TAX1BP1: variants seen among roughly 807,000 people sequenced by gnomAD.
The protein encoded by TAX1BP1 is tax1-binding protein 1.
Under a neutral mutation model 97.7 loss-of-function variants are expected in TAX1BP1, and 62 were observed. That is an observed-to-expected ratio of 0.63 (90% CI 0.52 to 0.78). TAX1BP1 has a LOEUF of 0.78. Ranked by LOEUF, TAX1BP1 falls within the 30% of genes least tolerant of loss-of-function variation. The pLI is 0.00. For synonymous variants in TAX1BP1, 340 were observed against 304.2 expected, an observed-to-expected ratio of 1.12 and a Z score of -1.23; for missense variants, 867 against 916.1, an observed-to-expected ratio of 0.95 and a Z score of 0.69.
chr7:27,750,406 A>C (rs528914784), intron 2 of TAX1BP1, among the ~76,000 whole-genome samples: 3 of 152,208 alleles, frequency 2.0e-5, no homozygotes, highest in Admixed American at 2.0e-4. Flanking sequence ...CCAAAATCTG[A>C]CAGATTTAGA....
chr7:27,758,274 C>T (rs898369887), intron 3 of TAX1BP1, 141 bp downstream of exon 3: 1 of 528,626 alleles, frequency 1.9e-6, no homozygotes, highest in Non-Finnish European at 3.3e-6. Flanking sequence ...TAGCAAAAGC[C>T]CTAAGAATGT....
chr7:27,775,683 G>A (rs1440834228), intron 5 of TAX1BP1, among the ~76,000 whole-genome samples: 2 of 152,114 alleles, frequency 1.3e-5, no homozygotes, highest in Admixed American at 6.6e-5. Context: ...GGTAGTAGTA[G>A]CCAGGCTGCA....
At chr7:27,775,901 G>A (rs141563834) in intron 5 of TAX1BP1, among the ~76,000 whole-genome samples, 15 of 152,208 alleles carry the variant, frequency 9.9e-5, no homozygotes, top group African/African-American at 2.6e-4. Context: ...ACTTTATGAT[G>A]TCTTTCTTGA....
upstream of TAX1BP1, chr7:27,740,060 C>T (rs1464685910): frequency 1.3e-5 from 2 of 152,274 alleles, no homozygotes; most frequent in African/African-American, 4.8e-5. Flanking sequence ...GGGGGCGTGT[C>T]GTCGCGGAGG....
chr7:27,796,213 C>A lies in TAX1BP1; in HGVS notation c.1632C>A (p.Leu544=). The A allele has an allele frequency of 1.9e-6, 3 of 1,577,542 alleles. No homozygotes were observed. Among genetic ancestry groups the A allele is most frequent in the Non-Finnish European group, 2.6e-6 (3 of 1,168,406 alleles). The change falls in exon 12 of 17, where the codon CTC becomes CTA. Residue 544 remains leucine (L), a synonymous_variant. Transcript: ENST00000396319. ...AAAAGTATAATAAATGTAAACAACT[C>A]TTGCAGGTAAGTTAACTACCTTGTA... is the stretch of plus-strand genomic sequence containing the variant. ...KTEKYNKCKQ[L]LQDEKAKCNK...
Position 27,827,813 on chromosome 7 carries a change from G to A in TAX1BP1, c.2161G>A (p.Asp721Asn), listed in dbSNP as rs1791243458. The A allele has an allele frequency of 6.2e-7, 1 of 1,613,614 alleles. No individual in the cohort carries two copies. The highest frequency in any genetic ancestry group is 1.3e-5 in the African/African-American group (1 of 75,006). Residue 721 changes from aspartate to asparagine, a missense_variant, in exon 16 of 17, where the codon GAT becomes AAT. Coordinates refer to ENST00000396319, the MANE Select transcript of TAX1BP1 (RefSeq NM_006024.7). ...LRGHGTGFCF[D>N]SSFDVHKKCP... ...TGGGCATGGGACAGGCTTTTGCTTT[G>A]ATTCCAGGTAGTTTTCTTCTTTACT...
intron 1 of TAX1BP1, among the ~76,000 whole-genome samples, chr7:27,747,597 C>A (rs1787874944): frequency 6.6e-6 from 1 of 152,006 alleles, no homozygotes; most frequent in African/African-American, 2.4e-5. Flanking sequence ...ATAGGCTGAG[C>A]CATTTCAAGT....
At chr7:27,796,073 G>A (rs2128319085) in intron 11 of TAX1BP1, 43 bp from the exon 12 acceptor site, 1 of 1,460,568 alleles carries the variant, frequency 6.8e-7, no homozygotes, top group Non-Finnish European at 9.5e-7. Context: ...TAATATAAGG[G>A]GCAAAATACT....
intron 10 of TAX1BP1, 87 bp downstream of exon 10, chr7:27,793,299 C>G (rs1352522881): frequency 2.6e-6 from 3 of 1,149,714 alleles, no homozygotes; most frequent in South Asian, 1.8e-5. Flanking sequence ...AAATATCAAC[C>G]TTTTAAATAT....
intron 2 of TAX1BP1, among the ~76,000 whole-genome samples, chr7:27,751,410 C>G (rs1470624919): frequency 6.6e-6 from 1 of 152,046 alleles, no homozygotes; most frequent in African/African-American, 2.4e-5. Context: ...TATACACATG[C>G]ATAATGTGTG....
At chr7:27,751,457 A>G (rs1297672492) in intron 2 of TAX1BP1, among the ~76,000 whole-genome samples, 2 of 152,154 alleles carry the variant, frequency 1.3e-5, no homozygotes, top group Admixed American at 6.5e-5. Flanking sequence ...CTGATGCATC[A>G]TAGTGTGTGT....
At chr7:27,771,704 A>C (rs187328608) in intron 5 of TAX1BP1, among the ~76,000 whole-genome samples, 2 of 151,994 alleles carry the variant, frequency 1.3e-5, no homozygotes, top group African/African-American at 2.4e-5. Context: ...TTTTATGCCA[A>C]CTCTTAAATC....
At position 27,766,160 on chromosome 7, in the gene TAX1BP1, C is replaced by T. The variant is rs1041900592; in HGVS notation, c.453+139C>T. ...CTTTGGCTGGGCGCAGTGGCTCACG[C>T]CTGTAATCCCGGCACTCTGGGAGGC... On this transcript the variant is annotated intron_variant, in intron 4 of 16. Coordinates refer to ENST00000396319, the MANE Select transcript of TAX1BP1 (RefSeq NM_006024.7). 13 of 822,566 alleles carry T rather than the reference C, an allele frequency of 1.6e-5. No individual in the cohort carries two copies. The African/African-American group carries it at 2.2e-4, about 14-fold the overall frequency. The allele number at this position is 822,566 out of a possible 1,614,324, so 51.0% of individuals were successfully genotyped here.
intron 15 of TAX1BP1, 94 bp from the exon 16 acceptor site, chr7:27,827,644 C>T: frequency 1.0e-6 from 1 of 959,936 alleles, no homozygotes; most frequent in Non-Finnish European, 1.6e-6. Context: ...GAAGTGTAAT[C>T]TTCTTTTATA....
intron 2 of TAX1BP1, among the ~76,000 whole-genome samples, 178 bp from the exon 3 acceptor site, chr7:27,757,853 G>A (rs1788281927): frequency 6.6e-6 from 1 of 151,956 alleles, no homozygotes. Context: ...GATTTTTATA[G>A]CATTAGGCTG....
At chr7:27,809,022 A>G (rs766226077) in intron 13 of TAX1BP1, among the ~76,000 whole-genome samples, 23 of 152,096 alleles carry the variant, frequency 1.5e-4, no homozygotes, top group Non-Finnish European at 3.4e-4. Flanking sequence ...CACAAAGGAA[A>G]CACATTATTG....
chr7:27,783,527 G>A (rs959480448), intron 5 of TAX1BP1, among the ~76,000 whole-genome samples: 2 of 152,188 alleles, frequency 1.3e-5, no homozygotes, highest in Non-Finnish European at 2.9e-5. Context: ...GCTTGTTGTA[G>A]TCAGAGTTAA....
intron 2 of TAX1BP1, among the ~76,000 whole-genome samples, chr7:27,752,895 TA>T (rs1246636233): frequency 6.6e-6 from 1 of 152,226 alleles, no homozygotes; most frequent in African/African-American, 2.4e-5. Context: ...GTTGTTTGGT[TA>T]AGTGAGAGAT....
At chr7:27,813,980 A>G (rs1040478157) in intron 13 of TAX1BP1, among the ~76,000 whole-genome samples, 2 of 152,118 alleles carry the variant, frequency 1.3e-5, no homozygotes, top group South Asian at 4.1e-4. Flanking sequence ...GTTCTTAGAA[A>G]CTGCAACTTT....
Sources: allele counts gnomAD v4.1 joint callset (sites outside exome capture counted in the v4.1 genomes callset), GRCh38; gene constraint gnomAD v4.1.1; transcripts MANE v1.5; gene names NCBI Gene and HGNC (gene_info 2026-07-23, HGNC 2026-07-21).